The following ZBTB20 variants were observed in gnomAD, a reference collection of about 807,000 sequenced individuals.
ZBTB20 encodes the protein zinc finger and BTB domain-containing protein 20.
A neutral mutation model predicts 56.9 loss-of-function variants in ZBTB20; 9 were observed. The ratio of observed to expected loss-of-function variants is 0.16; its 90% CI spans 0.10 to 0.28. The LOEUF (loss-of-function observed/expected upper bound fraction) is 0.28, where lower values mean the gene tolerates loss of function less well. ZBTB20 is among the 10% of genes least tolerant of loss of function. The pLI is 1.00. For missense variants in ZBTB20, 655 were observed against 1,003.0 expected (o/e 0.65, Z 4.69); for synonymous variants, 417 against 420.7 (o/e 0.99, Z 0.11).
At chr3:114,957,647 CT>C (rs978046917) in intron 3 of ZBTB20, among the ~76,000 whole-genome samples, 1 of 152,170 alleles carries the variant, frequency 6.6e-6, no homozygotes, top group Non-Finnish European at 1.5e-5. Flanking sequence ...TATCTTTCCC[CT>C]ATCCACTGAA....
intron 7 of ZBTB20, among the ~76,000 whole-genome samples, chr3:114,406,647 T>G (rs1350031700): frequency 1.3e-5 from 2 of 152,116 alleles, no homozygotes; most frequent in African/African-American, 2.4e-5. Context: ...CTTAAAATAT[T>G]CAAGAATAAA....
chr3:114,988,091 C>CTTTTTTTTTTTT (rs543706041), intron 2 of ZBTB20, among the ~76,000 whole-genome samples: 2 of 118,818 alleles, frequency 1.7e-5, no homozygotes, highest in Non-Finnish European at 1.9e-5. Context: ...TATCCAGTTT[C>CTTTTTTTTTTTT]TTTTTTTTTT....
chr3:114,508,715 AAGAG>A (rs950918165), intron 6 of ZBTB20, among the ~76,000 whole-genome samples: 4 of 152,034 alleles, frequency 2.6e-5, no homozygotes, highest in East Asian at 1.9e-4. Flanking sequence ...AAATGAATTC[AAGAG>A]AGAGAGAGAA....
chr3:114,357,635 C>T lies in ZBTB20; in HGVS notation c.200-5757G>A, dbSNP rs115587789. Among the ~76,000 whole-genome samples, 314 of 152,228 alleles carry T rather than the reference C, an allele frequency of 2.1e-3. 1 individual carries two copies. The highest frequency in any genetic ancestry group is 7.2e-3 in the African/African-American group (301 of 41,532). Reference sequence around the variant, plus strand: ...ACTTTTATAGGAATAAGGTCAGTGGCTTTCATCAAAATCTCAAAGGGGTCT... The same window carrying T: ...ACTTTTATAGGAATAAGGTCAGTGGTTTTCATCAAAATCTCAAAGGGGTCT... On this transcript the variant is annotated intron_variant, in intron 10 of 11. Coordinates refer to ENST00000675478, the MANE Select transcript of ZBTB20 (RefSeq NM_001348800.3).
chr3:114,368,361 C>T (rs992479422), intron 10 of ZBTB20, among the ~76,000 whole-genome samples: 3 of 152,168 alleles, frequency 2.0e-5, no homozygotes, highest in African/African-American at 7.2e-5. Flanking sequence ...CCATTAGCAA[C>T]ATGTTCAAGA....
At chr3:114,930,426 T>TA (rs2076312724) in intron 3 of ZBTB20, 3 of 152,412 alleles carry the variant, frequency 2.0e-5, no homozygotes, top group Admixed American at 1.3e-4. Context: ...GTTCAATCGG[T>TA]AGCAGGAGCG....
intron 4 of ZBTB20, among the ~76,000 whole-genome samples, chr3:114,804,940 C>A (rs1211230424): frequency 6.6e-6 from 1 of 151,748 alleles, no homozygotes; most frequent in Admixed American, 6.6e-5. Flanking sequence ...ATGGTCTTTT[C>A]TTTTTATAAC....
At chr3:114,837,668 A>G (rs2074187993) in intron 4 of ZBTB20, among the ~76,000 whole-genome samples, 2 of 152,140 alleles carry the variant, frequency 1.3e-5, no homozygotes, top group Admixed American at 6.5e-5. Flanking sequence ...AGAGGGACTC[A>G]AGAGAAAAAC....
intron 7 of ZBTB20, among the ~76,000 whole-genome samples, chr3:114,495,707 A>G (rs2043215191): frequency 6.6e-6 from 1 of 152,212 alleles, no homozygotes; most frequent in Non-Finnish European, 1.5e-5. Context: ...TGAAAAAAAA[A>G]TAGCCACTCT....
In ZBTB20 at chr3:114,350,695, C is replaced by T. The variant is rs776479104; in HGVS notation, c.1383G>A (p.Ser461=). ...SSDKSVLQQP[S]VNTSIGQPLP... ...ATGGCTGCCCGATGGACGTGTTGAC[C>T]GAAGGCTGTTGTAGGACGCTCTTGT... Residue 461 remains serine, a synonymous_variant, in exon 11 of 12, where the codon TCG becomes TCA. Coordinates refer to ENST00000675478, the MANE Select transcript of ZBTB20 (RefSeq NM_001348800.3). 9 of 1,614,048 alleles carry T rather than the reference C, an allele frequency of 5.6e-6. No individual in the cohort carries two copies. Among genetic ancestry groups the T allele is most frequent in the Non-Finnish European group, 7.6e-6 (9 of 1,180,036 alleles).
At chr3:114,975,627 T>C (rs973342061) in intron 2 of ZBTB20, among the ~76,000 whole-genome samples, 2 of 152,148 alleles carry the variant, frequency 1.3e-5, no homozygotes, top group African/African-American at 4.8e-5. Flanking sequence ...ATTACAGTTA[T>C]TCTGCATCAG....
chr3:114,767,027 A>G (rs1254732181), intron 5 of ZBTB20, among the ~76,000 whole-genome samples: 1 of 152,078 alleles, frequency 6.6e-6, no homozygotes, highest in African/African-American at 2.4e-5. Flanking sequence ...TTCTTTTTCA[A>G]TTCTCTATAG....
At chr3:114,965,818 T>A (rs2077626246) in intron 3 of ZBTB20, among the ~76,000 whole-genome samples, 1 of 152,174 alleles carries the variant, frequency 6.6e-6, no homozygotes, top group Non-Finnish European at 1.5e-5. Flanking sequence ...TTGAGATACG[T>A]CTATTCAGGT....
chr3:114,864,055 C>T (rs1387648949), intron 4 of ZBTB20, among the ~76,000 whole-genome samples: 1 of 152,064 alleles, frequency 6.6e-6, no homozygotes, highest in East Asian at 1.9e-4. Context: ...TATTTGCTTT[C>T]CTAGTATATT....
At chr3:114,878,894 C>A (rs1441665461) in intron 4 of ZBTB20, among the ~76,000 whole-genome samples, 4 of 152,012 alleles carry the variant, frequency 2.6e-5, no homozygotes, top group Non-Finnish European at 2.9e-5. Context: ...AAATATGGTA[C>A]ACAAAAATGC....
At chr3:114,403,361 T>C (rs1371338103) in intron 7 of ZBTB20, among the ~76,000 whole-genome samples, 3 of 152,066 alleles carry the variant, frequency 2.0e-5, no homozygotes, top group African/African-American at 7.2e-5. Context: ...TCTGTAGTAA[T>C]GGGCCATATT....
chr3:114,501,710 C>CTTT (rs1375467962), intron 6 of ZBTB20, among the ~76,000 whole-genome samples: 3 of 111,850 alleles, frequency 2.7e-5, no homozygotes, highest in Non-Finnish European at 3.8e-5. Flanking sequence ...TTTTTTCTTT[C>CTTT]TTTTTTTTTT....
intron 6 of ZBTB20, among the ~76,000 whole-genome samples, chr3:114,515,836 T>A (rs2045924614): frequency 6.6e-6 from 1 of 152,174 alleles, no homozygotes; most frequent in Non-Finnish European, 1.5e-5. Flanking sequence ...TTTAGCTGTC[T>A]TCATTTAAGG....
chr3:114,433,003 T>C (rs373640761), intron 7 of ZBTB20, among the ~76,000 whole-genome samples: 191 of 152,296 alleles, frequency 1.3e-3, no homozygotes, highest in Non-Finnish European at 2.3e-3. Context: ...TACAAAACCA[T>C]TTGGTGTGCT....
Sources: allele counts gnomAD v4.1 joint callset (sites outside exome capture counted in the v4.1 genomes callset), GRCh38; gene constraint gnomAD v4.1.1; transcripts MANE v1.5; gene names NCBI Gene and HGNC (gene_info 2026-07-23, HGNC 2026-07-21).